The following EYA2 variants were observed in gnomAD, a reference collection of about 807,000 sequenced individuals.
EYA2 encodes the protein protein phosphatase EYA2.
Under a neutral mutation model 69.2 loss-of-function variants are expected in EYA2, and 31 were observed. The observed-to-expected ratio is 0.45, with a 90% CI of 0.34 to 0.60. The LOEUF is 0.60. EYA2 is among the 20% of genes least tolerant of loss of function. The pLI, the probability that EYA2 is intolerant of heterozygous loss-of-function variation, is 0.02. For missense variants in EYA2, 622 were observed against 701.2 expected (o/e 0.89, Z 1.28); for synonymous variants, 257 against 279.4 (o/e 0.92, Z 0.80).
intron 9 of EYA2, among the ~76,000 whole-genome samples, chr20:47,109,744 T>G (rs993093094): frequency 6.6e-6 from 1 of 152,158 alleles, no homozygotes; most frequent in Non-Finnish European, 1.5e-5. Context: ...TCTAACACAA[T>G]AGTTTTTAAC....
intron 9 of EYA2, among the ~76,000 whole-genome samples, chr20:47,103,670 C>A (rs576074380): frequency 6.6e-6 from 1 of 151,256 alleles, no homozygotes; most frequent in East Asian, 1.9e-4. Context: ...AACCCACCCA[C>A]CCACCACAAG....
intron 10 of EYA2, among the ~76,000 whole-genome samples, chr20:47,168,231 A>T (rs1225263483): frequency 5.3e-5 from 8 of 151,708 alleles, no homozygotes; most frequent in South Asian, 2.1e-4. Context: ...TTGCTCTGTC[A>T]TGCAGGCTGG....
chr20:47,058,455 G>C (rs1006599614), intron 5 of EYA2, among the ~76,000 whole-genome samples: 1 of 152,218 alleles, frequency 6.6e-6, no homozygotes, highest in African/African-American at 2.4e-5. Flanking sequence ...AAGGGGATGG[G>C]TGCGAGGGCG....
chr20:46,988,027 AAT>A (rs1568707300), intron 1 of EYA2, among the ~76,000 whole-genome samples: 1 of 138,314 alleles, frequency 7.2e-6, no homozygotes. Flanking sequence ...GAATAAAAAT[AAT>A]ATATGTTTTA....
intron 9 of EYA2, among the ~76,000 whole-genome samples, chr20:47,118,681 A>G (rs2032968625): frequency 6.6e-6 from 1 of 152,226 alleles, no homozygotes; most frequent in South Asian, 2.1e-4. Context: ...AAAAGTGCTC[A>G]TTAGCAGAGA....
At chr20:46,928,728 G>T (rs543898183) in intron 1 of EYA2, among the ~76,000 whole-genome samples, 29 of 152,212 alleles carry the variant, frequency 1.9e-4, no homozygotes, top group Non-Finnish European at 3.5e-4. Context: ...TTGGATTGTC[G>T]ATGTAACATT....
At chr20:47,107,891 A>G (rs955251632) in intron 9 of EYA2, among the ~76,000 whole-genome samples, 1 of 152,240 alleles carries the variant, frequency 6.6e-6, no homozygotes, top group African/African-American at 2.4e-5. Context: ...AAATGTGGCC[A>G]GGGAAGGAGG....
intron 5 of EYA2, among the ~76,000 whole-genome samples, chr20:47,058,282 G>C (rs1298380737): frequency 6.6e-6 from 1 of 152,244 alleles, no homozygotes; most frequent in Admixed American, 6.5e-5. Context: ...AAAATAGCAA[G>C]TGGGATTATG....
chr20:47,069,336 A>T (rs1296430196), intron 5 of EYA2, among the ~76,000 whole-genome samples: 1 of 152,140 alleles, frequency 6.6e-6, no homozygotes, highest in Non-Finnish European at 1.5e-5. Context: ...TCTACTAAAA[A>T]TACAAAAAAT....
intron 8 of EYA2, among the ~76,000 whole-genome samples, chr20:47,096,775 GT>G (rs2032258818): frequency 6.6e-6 from 1 of 152,190 alleles, no homozygotes; most frequent in African/African-American, 2.4e-5. Flanking sequence ...TGTAAAACGA[GT>G]TATATGATTT....
chr20:47,024,941 A>G (rs1221033469), intron 5 of EYA2, among the ~76,000 whole-genome samples: 1 of 152,250 alleles, frequency 6.6e-6, no homozygotes, highest in Non-Finnish European at 1.5e-5. Flanking sequence ...ACACAAGCAA[A>G]TGCAGCAAGC....
At chr20:47,186,348 CTTTTTTTTTTT>C (rs765874138) in intron 15 of EYA2, among the ~76,000 whole-genome samples, 2 of 72,316 alleles carry the variant, frequency 2.8e-5, no homozygotes, top group East Asian at 7.6e-4. Context: ...AGCACTTATT[CTTTTTTTTTTT>C]TTTTTTTTTT....
intron 6 of EYA2, among the ~76,000 whole-genome samples, chr20:47,073,591 G>A (rs2031397634): frequency 6.6e-6 from 1 of 152,016 alleles, no homozygotes; most frequent in Non-Finnish European, 1.5e-5. Flanking sequence ...CACTGTTTCA[G>A]GTGCAGAGGA....
chr20:46,982,000 A>G (rs1456881080), intron 1 of EYA2, among the ~76,000 whole-genome samples: 1 of 152,224 alleles, frequency 6.6e-6, no homozygotes, highest in Non-Finnish European at 1.5e-5. Context: ...TGATATATCT[A>G]AAAGTTTACT....
At chr20:47,025,668 GA>G (rs1475948753) in intron 5 of EYA2, among the ~76,000 whole-genome samples, 1 of 152,180 alleles carries the variant, frequency 6.6e-6, no homozygotes, top group Non-Finnish European at 1.5e-5. Flanking sequence ...AAGTATATCT[GA>G]AGGGCAAATT....
intron 3 of EYA2, among the ~76,000 whole-genome samples, chr20:47,001,787 CTTT>C (rs61340904): frequency 6.8e-6 from 1 of 147,446 alleles, no homozygotes; most frequent in Non-Finnish European, 1.5e-5. Flanking sequence ...TCTCTTCATT[CTTT>C]TTTTTTTTTT....
intron 5 of EYA2, among the ~76,000 whole-genome samples, chr20:47,051,769 T>G (rs773610265): frequency 9.2e-5 from 14 of 152,210 alleles, no homozygotes; most frequent in Non-Finnish European, 1.9e-4. Flanking sequence ...AGTATCCTGC[T>G]TAGGACAGAC....
At chr20:47,003,999 C>G (rs1422377514) in intron 3 of EYA2, among the ~76,000 whole-genome samples, 1 of 152,208 alleles carries the variant, frequency 6.6e-6, no homozygotes, top group Admixed American at 6.5e-5. Flanking sequence ...CAATTCCCAA[C>G]CCTTAGTAAA....
chr20:46,901,856 T>G (rs2146211996), intron 1 of EYA2: 1 of 152,314 alleles, frequency 6.6e-6, no homozygotes, highest in South Asian at 2.1e-4. Context: ...CGTCCAGACA[T>G]GAAAAAGAAT....
Sources: allele counts gnomAD v4.1 joint callset (sites outside exome capture counted in the v4.1 genomes callset), GRCh38; gene constraint gnomAD v4.1.1; transcripts MANE v1.5; gene names NCBI Gene and HGNC (gene_info 2026-07-23, HGNC 2026-07-21).